Variants in CHRNA7 observed in about 807,000 individuals in gnomAD.
CHRNA7 encodes the protein cholinergic receptor nicotinic alpha 7 subunit, also known as neuronal acetylcholine receptor subunit alpha-7.
Under a neutral mutation model 48.0 loss-of-function variants are expected in CHRNA7, and 17 were observed. That is an observed-to-expected ratio of 0.35 (90% CI 0.24 to 0.53). The LOEUF is 0.53. Among genes scored for constraint, CHRNA7 ranks in the 20% least tolerant of loss-of-function variants. The probability of loss-of-function intolerance (pLI) is 0.92; values close to 1 mark genes in which losing one functional copy is unlikely to be tolerated. For missense variants in CHRNA7, 155 were observed against 577.7 expected, an observed-to-expected ratio of 0.27 and a Z score of 7.50; for synonymous variants, 75 against 242.3, an observed-to-expected ratio of 0.31 and a Z score of 6.41.
intron 4 of CHRNA7, among the ~76,000 whole-genome samples, chr15:32,123,597 G>A (rs866654254): frequency 5.9e-5 from 9 of 152,232 alleles, no homozygotes; most frequent in Middle Eastern, 6.8e-3. Context: ...AGCGAGCCTG[G>A]CATAAATCTC....
At chr15:32,036,869 C>T (rs80237991) in intron 2 of CHRNA7, among the ~76,000 whole-genome samples, 1 of 151,610 alleles carries the variant, frequency 6.6e-6, no homozygotes, top group East Asian at 1.9e-4. Context: ...ATATTTTTCC[C>T]AGTCAGTACC....
At chr15:32,136,497 CAAAAAA>C (rs34839510) in intron 4 of CHRNA7, among the ~76,000 whole-genome samples, 1 of 110,356 alleles carries the variant, frequency 9.1e-6, no homozygotes, top group African/African-American at 3.0e-5. Context: ...GACTCCATCT[CAAAAAA>C]AAAAAAAAAA....
At chr15:32,055,930 G>A (rs1024652558) in intron 2 of CHRNA7, among the ~76,000 whole-genome samples, 1 of 151,932 alleles carries the variant, frequency 6.6e-6, no homozygotes, top group Non-Finnish European at 1.5e-5. Flanking sequence ...AGTGAGCTGA[G>A]ATCATGCCGC....
At chr15:32,050,484 C>T (rs1002432788) in intron 2 of CHRNA7, among the ~76,000 whole-genome samples, 1 of 152,188 alleles carries the variant, frequency 6.6e-6, no homozygotes, top group East Asian at 1.9e-4. Flanking sequence ...CGAGCCTTGG[C>T]TTTCAGCTCC....
chr15:32,030,555 A>C lies in CHRNA7; in HGVS notation c.-40A>C. The stretch of plus-strand genomic sequence containing the variant: ...GGCGCAGGCCCGGGCGACAGCCGAG[A>C]CGTGGAGCGCGCCGGCTCGCTGCAG... On this transcript the variant is annotated 5_prime_UTR_variant, in exon 1 of 10. Coordinates refer to ENST00000306901, the MANE Select transcript of CHRNA7 (RefSeq NM_000746.6). 1 of 1,453,418 alleles carries C rather than the reference A, an allele frequency of 6.9e-7. No individual in the cohort carries two copies. Among genetic ancestry groups the C allele is most frequent in the Non-Finnish European group, 9.0e-7 (1 of 1,108,676 alleles). The allele number at this position is 1,453,418 out of a possible 1,614,324, so 90.0% of individuals were successfully genotyped here.
intron 2 of CHRNA7, among the ~76,000 whole-genome samples, chr15:32,066,279 A>G (rs1458488948): frequency 2.8e-5 from 4 of 143,220 alleles, no homozygotes; most frequent in East Asian, 1.9e-4. Context: ...TTTTCACATT[A>G]TAGTATTTTT....
intron 4 of CHRNA7, among the ~76,000 whole-genome samples, chr15:32,118,931 A>G (rs191831774): frequency 5.9e-5 from 9 of 151,972 alleles, no homozygotes; most frequent in Middle Eastern, 3.4e-3. Flanking sequence ...TGTTCCTGAC[A>G]GAAGGAACAG....
At chr15:32,084,117 A>G (rs753142519) in intron 2 of CHRNA7, among the ~76,000 whole-genome samples, 6 of 152,202 alleles carry the variant, frequency 3.9e-5, no homozygotes, top group Non-Finnish European at 5.9e-5. Context: ...CTACAAGTCT[A>G]TAAGAGAAGG....
chr15:32,132,717 T>C (rs868856920), intron 4 of CHRNA7, among the ~76,000 whole-genome samples: 1 of 152,114 alleles, frequency 6.6e-6, no homozygotes, highest in Admixed American at 6.5e-5. Flanking sequence ...CCTCTTCCTA[T>C]AAGGCCACCA....
intron 4 of CHRNA7, among the ~76,000 whole-genome samples, chr15:32,136,965 G>A (rs1484252954): frequency 7.0e-6 from 1 of 142,344 alleles, no homozygotes; most frequent in Non-Finnish European, 1.5e-5. Flanking sequence ...CCGGGAGGCG[G>A]AGCTTGCAGT....
rs536760547 is a variant in CHRNA7 at position 32,086,666 on chromosome 15, G to A, written c.196-14637G>A. ...AGTCCATGTAGCATTTAGTCCTTGTGTCTTTTTAGGCTCCTCTTCATTGTA... is the reference window on the plus strand; with the variant it reads ...AGTCCATGTAGCATTTAGTCCTTGTATCTTTTTAGGCTCCTCTTCATTGTA... On this transcript the variant is annotated intron_variant, in intron 2 of 9. Coordinates refer to ENST00000306901, the MANE Select transcript of CHRNA7 (RefSeq NM_000746.6). Among the ~76,000 whole-genome samples the A allele has an allele frequency of 5.3e-4, 80 of 152,266 alleles. 2 individuals are homozygous for A. Among genetic ancestry groups the A allele is most frequent in the East Asian group, 3.9e-4 (2 of 5,190 alleles).
intron 6 of CHRNA7, 123 bp from the exon 7 acceptor site, chr15:32,158,289 C>CCCT (rs1227045979): frequency 1.0e-4 from 53 of 523,558 alleles, no homozygotes; most frequent in Middle Eastern, 6.0e-4. Flanking sequence ...CAACCCCCCC[C>CCCT]TTTTTTTTTT....
chr15:32,049,794 C>T (rs542107842), intron 2 of CHRNA7, among the ~76,000 whole-genome samples: 2 of 152,276 alleles, frequency 1.3e-5, no homozygotes, highest in East Asian at 3.9e-4. Flanking sequence ...CCGGTTGTGC[C>T]TTTCCATGTT....
Position 32,149,296 on chromosome 15 carries a change from G to A in CHRNA7, c.351-4611G>A, listed in dbSNP as rs574303708. Among the ~76,000 whole-genome samples, 4 of 152,350 alleles carry A rather than the reference G, an allele frequency of 2.6e-5. No homozygotes were observed. The South Asian group carries it at 8.3e-4, about 32-fold the overall frequency. Reference sequence around the variant, plus strand: ...CCTACCCCTGTTTCCACGGTTATGGGTGTTTGCCAGCACAGGGCTGCCCAG... The same window carrying A: ...CCTACCCCTGTTTCCACGGTTATGGATGTTTGCCAGCACAGGGCTGCCCAG... On this transcript the variant is annotated intron_variant, in intron 4 of 9. Coordinates refer to ENST00000306901, the MANE Select transcript of CHRNA7 (RefSeq NM_000746.6). The surrounding 1 kb of genome is among the most constrained non-coding windows in gnomAD (Gnocchi z 4.6).
chr15:32,149,780 T>C lies in CHRNA7; in HGVS notation c.351-4127T>C, dbSNP rs79892659. Among the ~76,000 whole-genome samples, 2,123 of 152,070 alleles carry C rather than the reference T, an allele frequency of 0.014. 45 individuals carry two copies. The highest frequency in any genetic ancestry group is 0.049 in the African/African-American group (2,022 of 41,458). ...GGTAAGCTGTTGCTAATAGCAACAG[T>C]TTTTTTATCTTGTTTTTACCTGTTT... On this transcript the variant is annotated intron_variant, in intron 4 of 9. Transcript: ENST00000306901. This position sits in a 1 kb window ranked among gnomAD's most constrained non-coding sequence, Gnocchi z 4.6.
chr15:32,097,144 A>G (rs2050484009), intron 2 of CHRNA7, among the ~76,000 whole-genome samples: 1 of 152,138 alleles, frequency 6.6e-6, no homozygotes, highest in African/African-American at 2.4e-5. Flanking sequence ...GAGAACATTG[A>G]AATGCACAGA....
At chr15:32,118,785 G>A (rs1405686378) in intron 4 of CHRNA7, among the ~76,000 whole-genome samples, 1 of 152,082 alleles carries the variant, frequency 6.6e-6, no homozygotes, top group East Asian at 1.9e-4. Context: ...GGGAGGCATG[G>A]GCCAGATTGT....
chr15:32,048,358 G>T (rs1255819972), intron 2 of CHRNA7, among the ~76,000 whole-genome samples: 1 of 152,152 alleles, frequency 6.6e-6, no homozygotes, highest in Non-Finnish European at 1.5e-5. Flanking sequence ...TCCTGTTACT[G>T]GTCTATTCAG....
intron 2 of CHRNA7, among the ~76,000 whole-genome samples, chr15:32,096,255 A>C (rs552928167): frequency 4.3e-4 from 65 of 152,330 alleles, no homozygotes; most frequent in African/African-American, 1.5e-3. Flanking sequence ...AGGTATCGTC[A>C]ATACCTGATA....
Sources: allele counts gnomAD v4.1 joint callset (sites outside exome capture counted in the v4.1 genomes callset), GRCh38; gene constraint gnomAD v4.1.1; non-coding constraint Gnocchi (gnomAD v3.1); transcripts MANE v1.5; gene names NCBI Gene and HGNC (gene_info 2026-07-23, HGNC 2026-07-21).